NDUFA10: variants seen among roughly 807,000 people sequenced by gnomAD.
NDUFA10 encodes NADH dehydrogenase [ubiquinone] 1 alpha subcomplex subunit 10, mitochondrial.
A neutral mutation model predicts 47.8 loss-of-function variants in NDUFA10; 40 were observed. That is an observed-to-expected ratio of 0.84 (90% CI 0.65 to 1.09). The LOEUF is 1.09. NDUFA10 is among the 50% of genes least tolerant of loss of function. The probability of loss-of-function intolerance (pLI) is 0.00; values close to 1 mark genes in which losing one functional copy is unlikely to be tolerated. For synonymous variants in NDUFA10, 183 were observed against 172.2 expected (o/e 1.06, Z -0.49); for missense variants, 413 against 451.1 (o/e 0.92, Z 0.76).
chr2:239,965,250 G>T (rs545395142), intron 9 of NDUFA10, among the ~76,000 whole-genome samples: 44 of 152,118 alleles, frequency 2.9e-4, no homozygotes, highest in African/African-American at 1.0e-3. Flanking sequence ...TACCCAGGAG[G>T]GTTCTCAGAT....
chr2:239,897,128 G>A (rs747075920), intron 4 of NDUFA10, among the ~76,000 whole-genome samples: 1 of 152,092 alleles, frequency 6.6e-6, no homozygotes, highest in African/African-American at 2.4e-5. Context: ...GAGAGCTTTG[G>A]CATGGAAATC....
Position 239,959,416 on chromosome 2 carries a change from C to T in NDUFA10, c.*1702G>A, listed in dbSNP as rs1694755462. 3.0e-6 allele frequency: 3 copies of T among 985,450 alleles called. No individual in the cohort carries two copies. Among genetic ancestry groups the T allele is most frequent in the Non-Finnish European group, 2.4e-6 (2 of 829,944 alleles). 61.0% of individuals were successfully genotyped at this position (985,450 alleles called of 1,614,324 possible). On this transcript the variant is annotated 3_prime_UTR_variant, in exon 10 of 10. Coordinates refer to ENST00000252711, the MANE Select transcript of NDUFA10 (RefSeq NM_004544.4). ...GAACAGCTAAGATAATTAAAGATGG[C>T]TTTCTTTTTCTTTCCTCCCCTCCAC...
chr2:240,007,174 G>T, intron 7 of NDUFA10, 142 bp downstream of exon 7: 1 of 696,746 alleles, frequency 1.4e-6, no homozygotes, highest in Non-Finnish European at 2.6e-6. Flanking sequence ...GTGATGATGG[G>T]TTTGACTGGC....
chr2:239,952,000 TG>T (rs1325385676), intron 4 of NDUFA10, among the ~76,000 whole-genome samples: 3 of 152,200 alleles, frequency 2.0e-5, no homozygotes, highest in Non-Finnish European at 4.4e-5. Context: ...TGCTGTGGCA[TG>T]GGTCCTGGGG....
chr2:239,929,163 C>T (rs1694114833), intron 4 of NDUFA10, among the ~76,000 whole-genome samples: 1 of 152,230 alleles, frequency 6.6e-6, no homozygotes, highest in Non-Finnish European at 1.5e-5. Context: ...TGCAGCCACC[C>T]AGGCGAGACG....
chr2:239,994,329 G>A (rs960345645), intron 8 of NDUFA10, among the ~76,000 whole-genome samples: 3 of 151,956 alleles, frequency 2.0e-5, no homozygotes, highest in Non-Finnish European at 4.4e-5. Flanking sequence ...TCCACCTGCT[G>A]TCAGACCAGG....
intron 9 of NDUFA10, among the ~76,000 whole-genome samples, chr2:239,964,389 C>A (rs1485305862): frequency 6.6e-6 from 1 of 152,138 alleles, no homozygotes; most frequent in African/African-American, 2.4e-5. Flanking sequence ...CCCTTGAGCC[C>A]CCGGAAGGAG....
At chr2:239,951,235 G>A (rs1299191812) in intron 4 of NDUFA10, among the ~76,000 whole-genome samples, 4 of 152,202 alleles carry the variant, frequency 2.6e-5, no homozygotes, top group Non-Finnish European at 5.9e-5. Flanking sequence ...GACCCGGGGT[G>A]CCCACAGGGC....
chr2:240,018,744 T>C, intron 3 of NDUFA10, 105 bp from the exon 4 acceptor site: 1 of 1,251,200 alleles, frequency 8.0e-7, no homozygotes, highest in Non-Finnish European at 1.1e-6. Context: ...CATTTACAAT[T>C]CCATTTCCAC....
At chr2:239,988,734 A>C (rs1265010125) in intron 9 of NDUFA10, among the ~76,000 whole-genome samples, 1 of 152,256 alleles carries the variant, frequency 6.6e-6, no homozygotes, top group African/African-American at 2.4e-5. Flanking sequence ...ACACAAGAGC[A>C]GCAAGCAAAG....
intron 4 of NDUFA10, among the ~76,000 whole-genome samples, chr2:239,930,653 G>A (rs1477767654): frequency 6.6e-6 from 1 of 152,158 alleles, no homozygotes; most frequent in South Asian, 2.1e-4. Context: ...ACAGGGCGGG[G>A]TTGTGGGAAA....
At position 240,007,928 on chromosome 2, in the gene NDUFA10, C is replaced by T. The variant is rs566742225; in HGVS notation, c.750-558G>A. On this transcript the variant is annotated intron_variant, in intron 6 of 9. Coordinates refer to ENST00000252711, the MANE Select transcript of NDUFA10 (RefSeq NM_004544.4). Reference sequence around the variant, plus strand: ...GGCATCTTTACACCAGAGCACCCTCCACACATTTAGGATGTAAACATACAG... The same window carrying T: ...GGCATCTTTACACCAGAGCACCCTCTACACATTTAGGATGTAAACATACAG... 2.6e-4 allele frequency among the ~76,000 whole-genome samples: 40 copies of T among 152,272 alleles called. 1 individual carries two copies. The South Asian group carries it at 8.3e-3, about 32-fold the overall frequency.
chr2:239,984,945 A>C (rs1319655678), intron 9 of NDUFA10, among the ~76,000 whole-genome samples: 1 of 152,228 alleles, frequency 6.6e-6, no homozygotes, highest in East Asian at 1.9e-4. Context: ...AGTAAGCGCA[A>C]GCTAGAAACA....
rs1559358588 is a variant in NDUFA10 at position 239,987,849 on chromosome 2, C to T, written c.999+2225G>A. ...ATCATGCAAAACATGCGAGTGGGTA[C>T]TCTGCTCTGGAACTGGAAAGCTAAT... On this transcript the variant is annotated intron_variant, in intron 9 of 9. Coordinates refer to ENST00000252711, the MANE Select transcript of NDUFA10 (RefSeq NM_004544.4). The surrounding 1 kb of genome is among the most constrained non-coding windows in gnomAD (Gnocchi z 4.8). 1.3e-5 allele frequency among the ~76,000 whole-genome samples: 2 copies of T among 152,062 alleles called. No individual in the cohort carries two copies. The highest frequency in any genetic ancestry group is 6.5e-5 in the Admixed American group (1 of 15,272).
intron 5 of NDUFA10, chr2:240,013,330 G>A (rs189973468): frequency 2.0e-5 from 3 of 152,234 alleles, no homozygotes; most frequent in Non-Finnish European, 4.4e-5. Context: ...GACTTTACTT[G>A]GAAAAATTAA....
At chr2:239,998,872 T>C (rs1696590973) in intron 8 of NDUFA10, among the ~76,000 whole-genome samples, 2 of 152,204 alleles carry the variant, frequency 1.3e-5, no homozygotes, top group South Asian at 2.1e-4. Context: ...TCTTTTTTTG[T>C]ATTGATCTGT....
At chr2:239,940,417 T>C (rs546864387) in intron 4 of NDUFA10, among the ~76,000 whole-genome samples, 2 of 152,340 alleles carry the variant, frequency 1.3e-5, no homozygotes, top group East Asian at 3.9e-4. Flanking sequence ...GGGGACAGAA[T>C]GAGCCACATT....
rs191871456 is a variant in NDUFA10, at chr2:239,919,701, C to G, written c.295-24387G>C. ...TAAGAGGATCACATTCTCAGAAAAC[C>G]TGACACACAAACAAAACCATCCCTG... is the stretch of plus-strand genomic sequence containing the variant. On this transcript the variant is annotated intron_variant, in intron 4 of 5. Transcript: ENST00000419408. Among the ~76,000 whole-genome samples, 176 of 152,322 alleles carry G rather than the reference C, an allele frequency of 1.2e-3. 1 individual carries two copies. The highest frequency in any genetic ancestry group is 4.1e-3 in the African/African-American group (171 of 41,574).
intron 4 of NDUFA10, among the ~76,000 whole-genome samples, chr2:239,914,275 A>G (rs1390759460): frequency 2.0e-5 from 3 of 152,022 alleles, no homozygotes; most frequent in Non-Finnish European, 4.4e-5. Context: ...ATACACAGAC[A>G]CACACAAATA....
Sources: gnomAD v4.1 joint callset for allele counts (sites outside exome capture counted in the v4.1 genomes callset) on GRCh38, gnomAD v4.1.1 for gene constraint, Gnocchi (gnomAD v3.1) non-coding constraint, MANE v1.5 for transcripts, NCBI Gene and HGNC (gene_info 2026-07-23, HGNC 2026-07-21) for gene names.